Variants in ADCY7 observed in about 807,000 individuals in gnomAD.
The protein encoded by ADCY7 is adenylate cyclase type 7.
In ADCY7, 72 loss-of-function variants were observed where a neutral mutation model predicts 120.6. That is an observed-to-expected ratio of 0.60 (90% CI 0.49 to 0.73). The LOEUF is 0.73. ADCY7 is among the 30% of genes least tolerant of loss of function. ADCY7 has a pLI of 0.00. For missense variants in ADCY7, 1,227 were observed against 1,486.0 expected, an observed-to-expected ratio of 0.83 and a Z score of 2.87; for synonymous variants, 661 against 628.0, an observed-to-expected ratio of 1.05 and a Z score of -0.78.
Position 50,277,757 on chromosome 16 carries a change from G to A in ADCY7, c.-268-10155G>A, listed in dbSNP as rs1366191294. Among the ~76,000 whole-genome samples, 5 of 146,912 alleles carry A rather than the reference G, an allele frequency of 3.4e-5. No homozygotes were observed. The Admixed American group carries it at 3.5e-4, about 10-fold the overall frequency. On this transcript the variant is annotated intron_variant, in intron 1 of 25. Coordinates refer to ENST00000673801, the MANE Select transcript of ADCY7 (RefSeq NM_001114.5). ...ACAATTTCAGCTCACTGCAAGCTCT[G>A]CCTCCCAGTTTCACGCCATTATCCT...
chr16:50,247,073 A>G (rs1208562767), intron 1 of ADCY7, among the ~76,000 whole-genome samples: 1 of 152,214 alleles, frequency 6.6e-6, no homozygotes, highest in Non-Finnish European at 1.5e-5. Context: ...GAATGAATGA[A>G]TGAATGCATG....
chr16:50,256,577 C>A (rs142531801), intron 1 of ADCY7, among the ~76,000 whole-genome samples: 39 of 152,216 alleles, frequency 2.6e-4, no homozygotes, highest in African/African-American at 8.9e-4. Context: ...GCAGCGTGCA[C>A]CTGTAGTTCT....
At chr16:50,314,100 C>T in intron 23 of ADCY7, 38 bp downstream of exon 23, 2 of 1,591,676 alleles carry the variant, frequency 1.3e-6, no homozygotes, top group East Asian at 2.2e-5. Context: ...GCTGACTGTC[C>T]TCACTTAAAG....
upstream of ADCY7, among the ~76,000 whole-genome samples, chr16:50,245,202 G>A (rs1018461241): frequency 5.3e-5 from 8 of 152,122 alleles, no homozygotes; most frequent in Non-Finnish European, 1.2e-4. Context: ...GATTTCCTCC[G>A]TGCTTGTTAA....
chr16:50,268,305 A>G (rs952265109), intron 1 of ADCY7, among the ~76,000 whole-genome samples: 8 of 152,138 alleles, frequency 5.3e-5, no homozygotes, highest in Non-Finnish European at 7.3e-5. Flanking sequence ...GGGTTTCACC[A>G]TGGTGGCCAG....
At position 50,315,010 on chromosome 16, in the gene ADCY7, T is replaced by C; in HGVS notation, c.2972-4T>C. ...GCTTGGGTAACTGTAAACATCATCT[T>C]CAGGCATAAACCATGGGCCTGTGAT... On this transcript the variant is annotated splice_polypyrimidine_tract_variant and splice_region_variant and intron_variant, in intron 24 of 25. Transcript: ENST00000673801. The C allele has an allele frequency of 1.2e-6, 2 of 1,614,090 alleles. No individual in the cohort carries two copies. Among genetic ancestry groups the C allele is most frequent in the Non-Finnish European group, 1.7e-6 (2 of 1,179,972 alleles).
At chr16:50,271,278 G>A (rs2033555531) in intron 1 of ADCY7, among the ~76,000 whole-genome samples, 1 of 152,108 alleles carries the variant, frequency 6.6e-6, no homozygotes, top group Non-Finnish European at 1.5e-5. Flanking sequence ...GTCTGGCTCT[G>A]TTGCCCAGGC....
intron 1 of ADCY7, among the ~76,000 whole-genome samples, chr16:50,277,401 T>G (rs80177630): frequency 0.014 from 2,059 of 152,354 alleles, 22 homozygotes; most frequent in Admixed American, 0.025. Flanking sequence ...CACTGGGGGT[T>G]GTACTGACTC....
rs745518230 is a variant in ADCY7 at position 50,305,500 on chromosome 16, C to T, written c.1596-3C>T. ...TGATGCAGTTGTGGGTATCTGATTC[C>T]AGAAGCATGTCCCCCAAGGGGCGGT... On this transcript the variant is annotated splice_polypyrimidine_tract_variant and splice_region_variant and intron_variant, in intron 12 of 25. Transcript: ENST00000673801. 98 of 1,612,850 alleles carry T rather than the reference C, an allele frequency of 6.1e-5. No homozygotes were observed. Among genetic ancestry groups the T allele is most frequent in the Non-Finnish European group, 8.2e-5 (97 of 1,179,482 alleles).
chr16:50,286,595 G>A (rs1200834923), intron 1 of ADCY7, among the ~76,000 whole-genome samples: 1 of 152,032 alleles, frequency 6.6e-6, no homozygotes, highest in Non-Finnish European at 1.5e-5. Flanking sequence ...AAATCTCAGG[G>A]CTCCTAGGAT....
chr16:50,291,717 C>A lies in ADCY7; in HGVS notation c.376-19C>A. 1 of 1,613,842 alleles carries A rather than the reference C, an allele frequency of 6.2e-7. No homozygotes were observed. Among genetic ancestry groups the A allele is most frequent in the African/African-American group, 1.3e-5 (1 of 75,052 alleles). ...GGGCAGCATCTTGGGGCACCGGGCT[C>A]ACCAGGCTGCATCCACAGGTGCCCT... On this transcript the variant is annotated intron_variant, in intron 3 of 25. Transcript: ENST00000673801.
At chr16:50,302,561 C>A (rs941635708) in intron 10 of ADCY7, among the ~76,000 whole-genome samples, 3 of 151,704 alleles carry the variant, frequency 2.0e-5, no homozygotes, top group Non-Finnish European at 4.4e-5. Flanking sequence ...ACCTTCCCCC[C>A]ACCCCACCCT....
intron 21 of ADCY7, 31 bp downstream of exon 21, chr16:50,312,222 G>A: frequency 1.9e-6 from 3 of 1,612,252 alleles, no homozygotes; most frequent in Non-Finnish European, 2.5e-6. Flanking sequence ...GGCGGGGGCA[G>A]GGAGGCGGAC....
At chr16:50,246,817 A>G (rs778093668) in intron 1 of ADCY7, among the ~76,000 whole-genome samples, 1 of 152,204 alleles carries the variant, frequency 6.6e-6, no homozygotes, top group South Asian at 2.1e-4. Flanking sequence ...GACCCCGGGT[A>G]GGGGAGAGAG....
In ADCY7 at chr16:50,317,668, A is replaced by C. The variant is rs906974938; in HGVS notation, c.*2163A>C. ...TAGTTTTCAGTGTTCAGGTTATAGA[A>C]TATAACTGACCATAAAAATTACCTG... is the stretch of plus-strand genomic sequence containing the variant. On this transcript the variant is annotated 3_prime_UTR_variant, in exon 26 of 26. Transcript: ENST00000673801. The C allele has an allele frequency of 3.3e-5, 5 of 152,340 alleles. No individual in the cohort carries two copies. The highest frequency in any genetic ancestry group is 1.2e-4 in the African/African-American group (5 of 41,442). The allele number at this position is 152,340 out of a possible 1,614,324, so 9.4% of individuals were successfully genotyped here.
chr16:50,279,861 A>C (rs2034139694), intron 1 of ADCY7, among the ~76,000 whole-genome samples: 1 of 152,152 alleles, frequency 6.6e-6, no homozygotes, highest in Admixed American at 6.6e-5. Context: ...AAATGAATGA[A>C]GTGGAGGGGA....
chr16:50,313,740 G>A (rs906353214), intron 22 of ADCY7: 2 of 562,166 alleles, frequency 3.6e-6, no homozygotes, highest in African/African-American at 3.8e-5. Context: ...GGAAGAGGGA[G>A]ACAGTGTGGG....
intron 14 of ADCY7, 87 bp from the exon 15 acceptor site, chr16:50,306,963 G>T: frequency 2.0e-6 from 2 of 995,562 alleles, no homozygotes; most frequent in Non-Finnish European, 3.0e-6. Context: ...CAGCAGGGAG[G>T]TGTTTTTTTT....
intron 1 of ADCY7, among the ~76,000 whole-genome samples, chr16:50,269,665 C>A (rs983984120): frequency 1.3e-5 from 2 of 152,182 alleles, no homozygotes; most frequent in Admixed American, 1.3e-4. Flanking sequence ...CGCTCCTTGC[C>A]TCCCTCCTGC....
Sources: allele counts gnomAD v4.1 joint callset (sites outside exome capture counted in the v4.1 genomes callset), GRCh38; gene constraint gnomAD v4.1.1; transcripts MANE v1.5; gene names NCBI Gene and HGNC (gene_info 2026-07-23, HGNC 2026-07-21).